KIAA1210: variants seen among roughly 807,000 people sequenced by gnomAD.
KIAA1210 encodes KIAA1210.
A neutral mutation model predicts 78.9 loss-of-function variants in KIAA1210; 48 were observed. That is an observed-to-expected ratio of 0.61 (90% CI 0.48 to 0.77). KIAA1210 has a LOEUF of 0.77. Ranked by LOEUF, KIAA1210 falls within the 30% of genes least tolerant of loss-of-function variation. The pLI is 0.00. For synonymous variants in KIAA1210, 406 were observed against 404.5 expected (o/e 1.00, Z -0.04); for missense variants, 1,108 against 1,100.0 (o/e 1.01, Z -0.10).
chrX:119,098,694 T>C (rs1927639449), intron 6 of KIAA1210, among the ~76,000 whole-genome samples: 1 of 110,485 alleles, frequency 9.1e-6, no homozygotes, highest in Non-Finnish European at 1.9e-5. Context: ...CATATCCCCT[T>C]CCTTACATTG....
chrX:119,124,461 C>A (rs1006595516), intron 1 of KIAA1210, among the ~76,000 whole-genome samples: 1 of 112,311 alleles, frequency 8.9e-6, no homozygotes, highest in African/African-American at 3.2e-5. Flanking sequence ...TGCAAAAAAC[C>A]TGATCTATTG....
chrX:119,091,902 C>T (rs1321744940), intron 8 of KIAA1210, among the ~76,000 whole-genome samples: 6 of 111,130 alleles, frequency 5.4e-5, no homozygotes, highest in African/African-American at 2.0e-4. Flanking sequence ...TATGCAAAGG[C>T]ATACAGAGTG....
intron 1 of KIAA1210, among the ~76,000 whole-genome samples, chrX:119,125,636 C>T (rs1159831439): frequency 1.1e-5 from 1 of 94,296 alleles, no homozygotes; most frequent in Non-Finnish European, 2.1e-5. Flanking sequence ...CCTCAACCTC[C>T]TTGGCTGAAG....
chrX:119,150,103 T>G (rs957871896), intron 1 of KIAA1210, among the ~76,000 whole-genome samples: 2 of 112,324 alleles, frequency 1.8e-5, no homozygotes, highest in Non-Finnish European at 3.8e-5. Flanking sequence ...CAGGTTTGTG[T>G]GGTGCTTTAC....
At position 119,081,412 on chromosome X, in the gene KIAA1210, C is replaced by T. The variant is rs765588740; in HGVS notation, c.4519G>A (p.Val1507Ile). 8.3e-7 allele frequency: 1 copy of T among 1,210,788 alleles called. No individual in the cohort carries two copies. The highest frequency in any genetic ancestry group is 1.1e-6 in the Non-Finnish European group (1 of 894,871). ...AACCAGACAGGCTCAATTGGCTCAA[C>T]TGGGTTCTGGAACTTGGCTGGGAGA... ...STLPAKFQNP[V>I]EPIEPVWFSL... Residue 1507 changes from valine to isoleucine, a missense_variant, in exon 12 of 12, where the codon GTT (valine) becomes ATT (isoleucine). By Grantham distance (29) the Val-to-Ile change is conservative (BLOSUM62 3). Transcript: ENST00000691062.
At chrX:119,114,231 T>C (rs1228373914) in intron 3 of KIAA1210, among the ~76,000 whole-genome samples, 1 of 111,355 alleles carries the variant, frequency 9.0e-6, no homozygotes, top group Non-Finnish European at 1.9e-5. Context: ...ATAAGGACAA[T>C]CTCATGTTAT....
At chrX:119,104,955 G>C in intron 6 of KIAA1210, 37 bp downstream of exon 6, 1 of 1,163,382 alleles carries the variant, frequency 8.6e-7, no homozygotes, top group Non-Finnish European at 1.2e-6. Context: ...CCTCTGATCT[G>C]TGAGGCCCCT....
Position 119,116,491 on chromosome X carries a change from C to T in KIAA1210, c.230+5G>A. 8.3e-7 allele frequency: 1 copy of T among 1,209,479 alleles called. No homozygotes were observed. Among genetic ancestry groups the T allele is most frequent in the Non-Finnish European group, 1.1e-6 (1 of 894,386 alleles). On this transcript the variant is annotated splice_donor_5th_base_variant and intron_variant, in intron 3 of 11. Coordinates refer to ENST00000691062, the MANE Select transcript of KIAA1210 (RefSeq NM_001394962.1). ...CCCATCACTCTCCACCGCATCTGAG[C>T]TCACCTGGCCTTAGTTGGTTGATTT...
In KIAA1210 at chrX:119,108,488, G is replaced by GA. The variant is rs778757738; in HGVS notation, c.358-18dup. 24 of 1,191,548 alleles carry GA rather than the reference G, an allele frequency of 2.0e-5. No homozygotes were observed. The highest frequency in any genetic ancestry group is 2.6e-5 in the Non-Finnish European group (23 of 887,933). ...ATGGGATCTCTGTGTAAGAGAGAGAGAAAAAAACTTGAGGATTGGTATGCC... is the reference window on the plus strand; with the variant it reads ...ATGGGATCTCTGTGTAAGAGAGAGAGAAAAAAAACTTGAGGATTGGTATGCC... On this transcript the variant is annotated splice_polypyrimidine_tract_variant and intron_variant, in intron 4 of 11. Coordinates refer to ENST00000691062, the MANE Select transcript of KIAA1210 (RefSeq NM_001394962.1).
chrX:119,104,848 C>A, intron 6 of KIAA1210, 144 bp downstream of exon 6: 1 of 484,715 alleles, frequency 2.1e-6, no homozygotes, highest in Non-Finnish European at 3.3e-6. Context: ...GGAAAACCAC[C>A]ATGCAAATCA....
At chrX:119,128,439 A>G (rs1928703489), upstream of KIAA1210, among the ~76,000 whole-genome samples, 1 of 101,936 alleles carries the variant, frequency 9.8e-6, no homozygotes, top group African/African-American at 3.6e-5. Context: ...CCCCTACTTC[A>G]TCCCTTCACC....
intron 2 of KIAA1210, among the ~76,000 whole-genome samples, chrX:119,141,872 G>C (rs1450737143): frequency 8.9e-6 from 1 of 112,636 alleles, no homozygotes. Context: ...GAAGGAAGTA[G>C]GTGGAATGAA....
At chrX:119,123,257 G>C (rs978052224) in intron 2 of KIAA1210, among the ~76,000 whole-genome samples, 5 of 111,870 alleles carry the variant, frequency 4.5e-5, no homozygotes, top group Non-Finnish European at 9.4e-5. Flanking sequence ...CTCTTTCTTA[G>C]ATCTGAATTA....
intron 2 of KIAA1210, among the ~76,000 whole-genome samples, chrX:119,145,494 A>T: frequency 9.0e-6 from 1 of 110,780 alleles, no homozygotes; most frequent in South Asian, 3.9e-4. Flanking sequence ...CTATACATGC[A>T]TTTGAAGTAA....
chrX:119,137,206 A>G (rs1307861494), intron 2 of KIAA1210, among the ~76,000 whole-genome samples: 3 of 112,307 alleles, frequency 2.7e-5, no homozygotes, highest in Admixed American at 9.4e-5. Flanking sequence ...GGTACTAGTT[A>G]TTTTCACTTC....
At chrX:119,132,594 T>C (rs1928819999), upstream of KIAA1210, among the ~76,000 whole-genome samples, 1 of 111,204 alleles carries the variant, frequency 9.0e-6, no homozygotes, top group Non-Finnish European at 1.9e-5. Flanking sequence ...TTGTTTGAGA[T>C]GGCTTTCCCT....
intron 2 of KIAA1210, among the ~76,000 whole-genome samples, chrX:119,140,507 C>T (rs897178229): frequency 9.1e-5 from 8 of 88,008 alleles, no homozygotes; most frequent in Non-Finnish European, 1.3e-4. Flanking sequence ...CCAGCCTGAG[C>T]GACGACAGAA....
chrX:119,093,589 G>T (rs1201837045), intron 8 of KIAA1210, 78 bp downstream of exon 8: 5 of 719,799 alleles, frequency 6.9e-6, no homozygotes, highest in Admixed American at 3.4e-5. Flanking sequence ...TAGTTCTTGG[G>T]TATAGCTCCT....
At chrX:119,135,176 C>T (rs866477778) in intron 2 of KIAA1210, among the ~76,000 whole-genome samples, 3 of 111,707 alleles carry the variant, frequency 2.7e-5, no homozygotes, top group Non-Finnish European at 5.6e-5. Context: ...GCCCATGATT[C>T]GACCACTACA....
Sources: gnomAD v4.1 joint callset for allele counts (sites outside exome capture counted in the v4.1 genomes callset) on GRCh38, gnomAD v4.1.1 for gene constraint, MANE v1.5 for transcripts, NCBI Gene and HGNC (gene_info 2026-07-23, HGNC 2026-07-21) for gene names.